Variants in ZAR1L observed in about 807,000 individuals in gnomAD.
The protein encoded by ZAR1L is zygote arrest 1 like, also known as protein ZAR1-like.
In ZAR1L, 16 loss-of-function variants were observed where a neutral mutation model predicts 30.0. That is an observed-to-expected ratio of 0.53 (90% CI 0.36 to 0.81). ZAR1L has a LOEUF of 0.81. Ranked by LOEUF, ZAR1L falls within the 30% of genes least tolerant of loss-of-function variation. ZAR1L has a pLI of 0.00. For missense variants in ZAR1L, 392 were observed against 417.2 expected (o/e 0.94, Z 0.53); for synonymous variants, 197 against 166.8 (o/e 1.18, Z -1.40).
chr13:32,313,874 G>A (rs1447778598), intron 2 of ZAR1L, among the ~76,000 whole-genome samples: 1 of 152,120 alleles, frequency 6.6e-6, no homozygotes, highest in Non-Finnish European at 1.5e-5. Context: ...AGACTTGTGT[G>A]ACATGCCACG....
intron 5 of ZAR1L, among the ~76,000 whole-genome samples, chr13:32,304,803 A>C (rs2072161618): frequency 7.1e-6 from 1 of 141,108 alleles, no homozygotes; most frequent in South Asian, 2.3e-4. Context: ...ATAAGTCAAG[A>C]TTTACCTTTT....
chr13:32,310,699 A>G lies in ZAR1L; in HGVS notation c.687T>C (p.Cys229=). 6.4e-7 allele frequency: 1 copy of G among 1,551,754 alleles called. No individual in the cohort carries two copies. Among genetic ancestry groups the G allele is most frequent in the Non-Finnish European group, 8.7e-7 (1 of 1,146,920 alleles). The change falls in exon 4 of 6, where the codon TGT becomes TGC. Residue 229 remains cysteine, a synonymous_variant. Coordinates refer to ENST00000533490, the MANE Select transcript of ZAR1L (RefSeq NM_001136571.2). The stretch of plus-strand genomic sequence containing the variant: ...TCTCCCACCTGGTCTTACAATCTTT[A>G]CAGTGGAAATAGCCATATTTTGGTT... ...FLEPKYGYFH[C]KDCKTRWESA...
chr13:32,314,031 A>G (rs1481656760), intron 2 of ZAR1L, among the ~76,000 whole-genome samples: 1 of 152,224 alleles, frequency 6.6e-6, no homozygotes, highest in East Asian at 1.9e-4. Context: ...GGGCCTTACT[A>G]CCAGGCACAT....
rs1160696716 is a variant in ZAR1L, at chr13:32,311,302, G to A, written c.624C>T (p.Ala208=). 7 of 1,549,442 alleles carry A rather than the reference G, an allele frequency of 4.5e-6. No individual in the cohort carries two copies. The East Asian group carries it at 1.2e-4, about 27-fold the overall frequency. Reference sequence around the variant, plus strand: ...AGTTGGGCCTCCGGAGCGGCTCGGAGGCGGCGTCTCCAGGCACCTGCTTGC... The same window carrying A: ...AGTTGGGCCTCCGGAGCGGCTCGGAAGCGGCGTCTCCAGGCACCTGCTTGC... ...TKSKQVPGDA[A]SEPLRRPNFQ... Residue 208 remains alanine (A), a synonymous_variant, in exon 3 of 6, where the codon GCC becomes GCT. Transcript: ENST00000533490.
Position 32,311,470 on chromosome 13 carries a change from C to T in ZAR1L, c.456G>A (p.Ala152=), listed in dbSNP as rs1295859499. 4.5e-6 allele frequency: 7 copies of T among 1,546,342 alleles called. No homozygotes were observed. In the African/African-American group the frequency reaches 5.5e-5, roughly 12 times the overall value. ...LIRLRRDGDE[A]ESKALPGPAE... ...CAGGGCCCGGGAGCGCCTTGCTCTC[C>T]GCTTCGTCCCCATCTCTCCGCAGGC... Residue 152 remains alanine (A), a synonymous_variant, in exon 3 of 6, where the codon GCG becomes GCA. Coordinates refer to ENST00000533490, the MANE Select transcript of ZAR1L (RefSeq NM_001136571.2).
At position 32,305,053 on chromosome 13, in the gene ZAR1L, C is replaced by T. The variant is rs536878569; in HGVS notation, c.823-1031G>A. Among the ~76,000 whole-genome samples, 7 of 151,930 alleles carry T rather than the reference C, an allele frequency of 4.6e-5. No homozygotes were observed. The South Asian group carries it at 1.0e-3, about 23-fold the overall frequency. On this transcript the variant is annotated intron_variant, in intron 5 of 5. Coordinates refer to ENST00000533490, the MANE Select transcript of ZAR1L (RefSeq NM_001136571.2). ...CTTGAACTCCTGACCTGAGGTGATC[C>T]GTCCGCCTTGGCCTCCCAAAGCGCT...
intron 3 of ZAR1L, 138 bp downstream of exon 3, chr13:32,311,134 T>C: frequency 9.1e-7 from 1 of 1,095,636 alleles, no homozygotes; most frequent in Non-Finnish European, 1.3e-6. Context: ...GTGATATACA[T>C]ATTTTCAGAG....
At chr13:32,311,128 T>C in intron 3 of ZAR1L, 144 bp downstream of exon 3, 4 of 1,020,308 alleles carry the variant, frequency 3.9e-6, no homozygotes, top group Non-Finnish European at 5.5e-6. Flanking sequence ...GGCCACGTGA[T>C]ATACATATTT....
intron 1 of ZAR1L, among the ~76,000 whole-genome samples, 169 bp downstream of exon 1, chr13:32,315,146 G>A (rs1478582284): frequency 4.6e-5 from 7 of 152,112 alleles, no homozygotes; most frequent in African/African-American, 1.7e-4. Flanking sequence ...CCCTTTTAAG[G>A]TCAGAACAAA....
chr13:32,311,938 G>T lies in ZAR1L; in HGVS notation c.-13C>A. On this transcript the variant is annotated 5_prime_UTR_variant, in exon 3 of 6. Coordinates refer to ENST00000533490, the MANE Select transcript of ZAR1L (RefSeq NM_001136571.2). ...CAAAGCGCTCCATCCGCTCTCAGGT[G>T]CTCAGGCGCAGTCTAATATCCTAGC... The T allele has an allele frequency of 6.5e-7, 1 of 1,536,524 alleles. No individual in the cohort carries two copies. Among genetic ancestry groups the T allele is most frequent in the East Asian group, 2.5e-5 (1 of 40,776 alleles).
chr13:32,312,578 C>T (rs1012640059), intron 2 of ZAR1L, among the ~76,000 whole-genome samples: 10 of 152,242 alleles, frequency 6.6e-5, no homozygotes, highest in Non-Finnish European at 1.0e-4. Context: ...ATTATTCAGC[C>T]TTAAAACAGG....
In ZAR1L at chr13:32,308,774, T is replaced by TG. The variant is rs1332925605; in HGVS notation, c.748-15dup. 8.7e-6 allele frequency: 13 copies of TG among 1,498,644 alleles called. No homozygotes were observed. The Admixed American group carries it at 1.1e-4, about 12-fold the overall frequency. 92.8% of individuals were successfully genotyped at this position (1,498,644 alleles called of 1,614,324 possible). ...TTTGAAATAAACCTAAAGAGAAATA[T>TG]GTTTTTTTTTAATACAAGCTTTTAT... On this transcript the variant is annotated splice_polypyrimidine_tract_variant and intron_variant, in intron 4 of 5. Coordinates refer to ENST00000533490, the MANE Select transcript of ZAR1L (RefSeq NM_001136571.2).
At chr13:32,310,897 T>C (rs930946939) in intron 3 of ZAR1L, among the ~76,000 whole-genome samples, 166 bp from the exon 4 acceptor site, 1 of 152,214 alleles carries the variant, frequency 6.6e-6, no homozygotes, top group Non-Finnish European at 1.5e-5. Flanking sequence ...TAAAGATTAC[T>C]CTGGGATTCT....
intron 2 of ZAR1L, among the ~76,000 whole-genome samples, chr13:32,313,697 A>G (rs190960980): frequency 6.6e-6 from 1 of 152,306 alleles, no homozygotes; most frequent in East Asian, 1.9e-4. Flanking sequence ...AAATTAAAGC[A>G]TATTGTAAAT....
At chr13:32,314,793 G>A (rs1346405788) in intron 1 of ZAR1L, among the ~76,000 whole-genome samples, 1 of 152,116 alleles carries the variant, frequency 6.6e-6, no homozygotes, top group East Asian at 1.9e-4. Flanking sequence ...CGGAAGTTGC[G>A]GTGAGCGGAG....
chr13:32,314,890 G>C (rs1364487253), intron 1 of ZAR1L, among the ~76,000 whole-genome samples: 1 of 152,028 alleles, frequency 6.6e-6, no homozygotes, highest in East Asian at 1.9e-4. Context: ...GCCCTGCGGA[G>C]CAAGGTACCT....
chr13:32,311,626 G>A lies in ZAR1L; in HGVS notation c.300C>T (p.Asp100=). 2.6e-6 allele frequency: 4 copies of A among 1,551,042 alleles called. No individual in the cohort carries two copies. Among genetic ancestry groups the A allele is most frequent in the Non-Finnish European group, 3.5e-6 (4 of 1,146,958 alleles). ...GCCCCAGAGAGCACTGCACAGCCTT[G>A]TCCACCCGCGGGCTCACCTGCACGC... ...EVGVQVSPRV[D]KAVQCSLGPR... The change falls in exon 3 of 6, where the codon GAC becomes GAT. Residue 100 remains aspartate (D), a synonymous_variant. Coordinates refer to ENST00000533490, the MANE Select transcript of ZAR1L (RefSeq NM_001136571.2).
intron 1 of ZAR1L, among the ~76,000 whole-genome samples, chr13:32,314,981 C>T (rs919368377): frequency 6.6e-6 from 1 of 152,138 alleles, no homozygotes; most frequent in Non-Finnish European, 1.5e-5. Flanking sequence ...ACACCTGCTA[C>T]CCAATAGCAG....
At chr13:32,311,018 C>G (rs1012719446) in intron 3 of ZAR1L, among the ~76,000 whole-genome samples, 1 of 152,144 alleles carries the variant, frequency 6.6e-6, no homozygotes, top group Non-Finnish European at 1.5e-5. Flanking sequence ...AGCCCTTCTT[C>G]GTCTCCAAAT....
Sources: allele counts gnomAD v4.1 joint callset (sites outside exome capture counted in the v4.1 genomes callset), GRCh38; gene constraint gnomAD v4.1.1; transcripts MANE v1.5; gene names NCBI Gene and HGNC (gene_info 2026-07-23, HGNC 2026-07-21).